Variants in SNTG1 observed in about 807,000 individuals in gnomAD.
SNTG1 encodes syntrophin gamma 1, also known as gamma-1-syntrophin.
Under a neutral mutation model 74.7 loss-of-function variants are expected in SNTG1, and 39 were observed. The ratio of observed to expected loss-of-function variants is 0.52; its 90% CI spans 0.40 to 0.68. The LOEUF is 0.68. Among genes scored for constraint, SNTG1 ranks in the 30% least tolerant of loss-of-function variants. SNTG1 has a pLI of 0.00. For synonymous variants in SNTG1, 254 were observed against 217.1 expected (o/e 1.17, Z -1.49); for missense variants, 685 against 609.5 (o/e 1.12, Z -1.30).
intron 2 of SNTG1, among the ~76,000 whole-genome samples, chr8:50,324,571 G>A (rs2090663014): frequency 6.6e-6 from 1 of 152,178 alleles, no homozygotes; most frequent in African/African-American, 2.4e-5. Context: ...CTCTTGCTCT[G>A]CCCCCAAATC....
chr8:50,698,846 A>G (rs1232793775), intron 15 of SNTG1, among the ~76,000 whole-genome samples: 1 of 152,096 alleles, frequency 6.6e-6, no homozygotes, highest in East Asian at 1.9e-4. Flanking sequence ...ATATGATTCT[A>G]TAGTGGGAAA....
At chr8:50,073,584 T>C (rs1028010949) in intron 1 of SNTG1, among the ~76,000 whole-genome samples, 2 of 152,148 alleles carry the variant, frequency 1.3e-5, no homozygotes, top group Non-Finnish European at 2.9e-5. Context: ...AGGTTTTCAA[T>C]TTACTTTGCC....
chr8:50,794,489 T>C lies in SNTG1; in HGVS notation c.*1660T>C, dbSNP rs532371414. 1.3e-5 allele frequency: 2 copies of C among 152,148 alleles called. No homozygotes were observed. Among genetic ancestry groups the C allele is most frequent in the South Asian group, 4.1e-4 (2 of 4,830 alleles). 9.4% of individuals were successfully genotyped at this position (152,148 alleles called of 1,614,324 possible). A position where few individuals can be genotyped will look rare whatever the true frequency, so the allele number is the denominator to read the frequency against. On this transcript the variant is annotated 3_prime_UTR_variant, in exon 19 of 19. Coordinates refer to ENST00000642720, the MANE Select transcript of SNTG1 (RefSeq NM_018967.5). ...CAAATTACAATAAACAGTTTCAGTG[T>C]AATGTATTTTGACCGTAAAACTAAG...
chr8:50,430,936 C>CT (rs2093228020), intron 4 of SNTG1, among the ~76,000 whole-genome samples: 2 of 152,152 alleles, frequency 1.3e-5, no homozygotes, highest in South Asian at 2.1e-4. Flanking sequence ...TGTGAAACAA[C>CT]TTTATCAACC....
intron 2 of SNTG1, among the ~76,000 whole-genome samples, chr8:50,346,599 T>A (rs554385206): frequency 4.5e-4 from 68 of 152,346 alleles, no homozygotes; most frequent in Admixed American, 1.1e-3. Context: ...GAAAGGCATG[T>A]GAAAAGCTGA....
At chr8:50,188,770 C>T (rs2083468610) in intron 2 of SNTG1, among the ~76,000 whole-genome samples, 1 of 152,030 alleles carries the variant, frequency 6.6e-6, no homozygotes, top group Non-Finnish European at 1.5e-5. Flanking sequence ...CTGTAGCAGA[C>T]CAAAATCTGT....
chr8:49,918,522 A>G (rs1388975963), intron 1 of SNTG1, among the ~76,000 whole-genome samples: 1 of 152,182 alleles, frequency 6.6e-6, no homozygotes, highest in Non-Finnish European at 1.5e-5. Flanking sequence ...AAAACAGATA[A>G]TTTCTTTAGA....
chr8:50,782,375 C>T (rs2095662158), intron 18 of SNTG1, among the ~76,000 whole-genome samples: 1 of 152,158 alleles, frequency 6.6e-6, no homozygotes, highest in Non-Finnish European at 1.5e-5. Context: ...TTCACATAGT[C>T]CCACACTTCT....
Position 50,590,873 on chromosome 8 carries a change from T to A in SNTG1, c.811-6T>A. The A allele has an allele frequency of 1.3e-6, 2 of 1,547,018 alleles. No homozygotes were observed. Among genetic ancestry groups the A allele is most frequent in the Non-Finnish European group, 1.8e-6 (2 of 1,135,180 alleles). The stretch of plus-strand genomic sequence containing the variant: ...TCTCACTTTTATTATTTATTTATCA[T>A]TGCAGATTAAAAAAATCAACAGAAA... On this transcript the variant is annotated splice_polypyrimidine_tract_variant and splice_region_variant and intron_variant, in intron 12 of 18. Transcript: ENST00000642720.
intron 2 of SNTG1, among the ~76,000 whole-genome samples, chr8:50,303,919 C>T (rs1387490781): frequency 1.4e-5 from 2 of 139,812 alleles, no homozygotes; most frequent in Admixed American, 1.6e-4. Flanking sequence ...CTGCTTTCTT[C>T]TATTTCTGCT....
chr8:50,093,012 C>T (rs2079796000), intron 1 of SNTG1, among the ~76,000 whole-genome samples: 2 of 152,020 alleles, frequency 1.3e-5, no homozygotes. Flanking sequence ...GGAGAATTCT[C>T]AAGAGCAAAT....
At chr8:50,702,496 T>C (rs1253329002) in intron 15 of SNTG1, among the ~76,000 whole-genome samples, 1 of 152,078 alleles carries the variant, frequency 6.6e-6, no homozygotes, top group Non-Finnish European at 1.5e-5. Context: ...ACAATGAAAA[T>C]AGTTATTATT....
intron 17 of SNTG1, among the ~76,000 whole-genome samples, chr8:50,727,265 C>G (rs1298251026): frequency 1.3e-5 from 2 of 152,082 alleles, no homozygotes; most frequent in Non-Finnish European, 2.9e-5. Context: ...AAAGTGCTGA[C>G]AATCCCTAAA....
At chr8:50,640,040 A>T (rs1303490446) in intron 13 of SNTG1, among the ~76,000 whole-genome samples, 4 of 152,196 alleles carry the variant, frequency 2.6e-5, no homozygotes, top group Non-Finnish European at 4.4e-5. Flanking sequence ...ACCAAAAAAG[A>T]ATTTGACAAA....
chr8:50,761,603 A>G (rs532645215), intron 18 of SNTG1, among the ~76,000 whole-genome samples: 2 of 148,232 alleles, frequency 1.3e-5, no homozygotes, highest in African/African-American at 2.5e-5. Context: ...TGCCTGAGCT[A>G]TTTTTTTTTT....
intron 1 of SNTG1, among the ~76,000 whole-genome samples, chr8:50,052,682 T>C (rs1358405313): frequency 6.6e-6 from 1 of 152,156 alleles, no homozygotes; most frequent in Non-Finnish European, 1.5e-5. Context: ...AATAAGGGCC[T>C]AGTATCCGGA....
intron 1 of SNTG1, among the ~76,000 whole-genome samples, chr8:50,068,263 T>A (rs1449390960): frequency 6.6e-6 from 1 of 152,162 alleles, no homozygotes; most frequent in Non-Finnish European, 1.5e-5. Context: ...AATGTTACTG[T>A]CACATTCATC....
intron 2 of SNTG1, among the ~76,000 whole-genome samples, chr8:50,330,067 G>A (rs2090904542): frequency 6.6e-6 from 1 of 152,096 alleles, no homozygotes; most frequent in Admixed American, 6.6e-5. Context: ...ATCTAATATG[G>A]TTTGGCTGTG....
chr8:50,742,530 G>C (rs2095545701), intron 17 of SNTG1, among the ~76,000 whole-genome samples: 1 of 151,634 alleles, frequency 6.6e-6, no homozygotes, highest in African/African-American at 2.4e-5. Flanking sequence ...ACTTGTAGGA[G>C]TATAAGTATA....
Sources: gnomAD v4.1 joint callset for allele counts (sites outside exome capture counted in the v4.1 genomes callset) on GRCh38, gnomAD v4.1.1 for gene constraint, MANE v1.5 for transcripts, NCBI Gene and HGNC (gene_info 2026-07-23, HGNC 2026-07-21) for gene names.